Variants in SAFB2 observed in about 807,000 individuals in gnomAD.
SAFB2 encodes the protein scaffold attachment factor B2.
In SAFB2, 32 loss-of-function variants were observed where a neutral mutation model predicts 100.6. That is an observed-to-expected ratio of 0.32 (90% CI 0.24 to 0.43). SAFB2 has a LOEUF of 0.43. Ranked by LOEUF, SAFB2 falls within the 20% of genes least tolerant of loss-of-function variation. The pLI, the probability that SAFB2 is intolerant of heterozygous loss-of-function variation, is 1.00. For missense variants in SAFB2, 1,185 were observed against 1,163.4 expected, an observed-to-expected ratio of 1.02 and a Z score of -0.27; for synonymous variants, 500 against 439.4, an observed-to-expected ratio of 1.14 and a Z score of -1.72.
chr19:5,596,257 C>T (rs755755168), intron 13 of SAFB2, among the ~76,000 whole-genome samples: 7 of 152,120 alleles, frequency 4.6e-5, no homozygotes, highest in Non-Finnish European at 1.0e-4. Context: ...AGCGGGACTC[C>T]GTCTCAAATA....
Position 5,598,782 on chromosome 19 carries a change from G to A in SAFB2, c.1782+11C>T. ...AACAGCTGGCCCTGAGATGGCAGAGGCAATACTCACTCTCTCTTTGGACCT... is the reference window on the plus strand; with the variant it reads ...AACAGCTGGCCCTGAGATGGCAGAGACAATACTCACTCTCTCTTTGGACCT... On this transcript the variant is annotated intron_variant, in intron 13 of 20. Transcript: ENST00000252542. 6.2e-7 allele frequency: 1 copy of A among 1,610,510 alleles called. No individual in the cohort carries two copies. Among genetic ancestry groups the A allele is most frequent in the Non-Finnish European group, 8.5e-7 (1 of 1,176,656 alleles).
At chr19:5,593,088 C>G (rs1046368884) in intron 15 of SAFB2, among the ~76,000 whole-genome samples, 1 of 152,196 alleles carries the variant, frequency 6.6e-6, no homozygotes, top group African/African-American at 2.4e-5. Context: ...CCGAGAGGCA[C>G]ACTTGTGTTC....
At position 5,598,825 on chromosome 19, in the gene SAFB2, T is replaced by G. The variant is rs771827619; in HGVS notation, c.1750A>C (p.Ser584Arg). ...MDKSKGEPVI[S>R]VKTTSRSKER... ...TTGGACCTGCTTGTGGTTTTCACGC[T>G]AATGACGGGCTCTCCTTTCGATTTA... Residue 584 changes from serine to arginine, a missense_variant, in exon 13 of 21, where the codon AGC becomes CGC. Coordinates refer to ENST00000252542, the MANE Select transcript of SAFB2 (RefSeq NM_014649.3). 6.2e-7 allele frequency: 1 copy of G among 1,614,200 alleles called. No individual in the cohort carries two copies. The highest frequency in any genetic ancestry group is 1.1e-5 in the South Asian group (1 of 91,078).
At chr19:5,599,943 T>G (rs1184104700) in intron 12 of SAFB2, among the ~76,000 whole-genome samples, 187 bp downstream of exon 12, 1 of 152,186 alleles carries the variant, frequency 6.6e-6, no homozygotes, top group East Asian at 1.9e-4. Flanking sequence ...CACTTCTGGA[T>G]TCCCGATGTT....
chr19:5,616,643 CTTTTTTTTTTTTTTT>C (rs60033130), intron 2 of SAFB2, among the ~76,000 whole-genome samples, 157 bp from the exon 3 acceptor site: 2 of 72,798 alleles, frequency 2.7e-5, no homozygotes, highest in Admixed American at 2.1e-4. Context: ...AATTTGTTTT[CTTTTTTTTTTTTTTT>C]TTTTTTTTTT....
In SAFB2 at chr19:5,616,624, T is replaced by G. The variant is rs2053037439; in HGVS notation, c.275-138A>C. The G allele has an allele frequency of 1.0e-5, 7 of 699,586 alleles. No individual in the cohort carries two copies. In the South Asian group the frequency reaches 1.2e-4, roughly 12 times the overall value. The allele number at this position is 699,586 out of a possible 1,614,324, so 43.3% of individuals were successfully genotyped here. A position where few individuals can be genotyped will look rare whatever the true frequency, so the allele number is the denominator to read the frequency against. ...GTCTCCCCTCTCCTGTCACACGTAA[T>G]TTTGTCTCAATTTGTTTTCTTTTTT... is the stretch of plus-strand genomic sequence containing the variant. On this transcript the variant is annotated intron_variant, in intron 2 of 20. Coordinates refer to ENST00000252542, the MANE Select transcript of SAFB2 (RefSeq NM_014649.3).
intron 2 of SAFB2, among the ~76,000 whole-genome samples, chr19:5,617,519 T>C (rs1267104451): frequency 2.0e-5 from 3 of 152,158 alleles, no homozygotes; most frequent in Non-Finnish European, 2.9e-5. Flanking sequence ...GTTCAAAACA[T>C]AGATATCTGT....
At chr19:5,590,498 G>A (rs948008182) in intron 17 of SAFB2, 90 bp from the exon 18 acceptor site, 1 of 1,413,380 alleles carries the variant, frequency 7.1e-7, no homozygotes, top group Non-Finnish European at 9.4e-7. Context: ...AGGCCCCAGG[G>A]TGGCAGGTGG....
intron 14 of SAFB2, among the ~76,000 whole-genome samples, chr19:5,594,742 G>A (rs1165904761): frequency 6.6e-6 from 1 of 152,172 alleles, no homozygotes; most frequent in Non-Finnish European, 1.5e-5. Flanking sequence ...CCAGCAGAAG[G>A]CTCAGCCTGT....
chr19:5,615,708 A>G (rs2053012702), intron 4 of SAFB2, among the ~76,000 whole-genome samples: 1 of 152,202 alleles, frequency 6.6e-6, no homozygotes, highest in Admixed American at 6.5e-5. Context: ...TCTCTAAATA[A>G]ATAAACCATC....
chr19:5,607,806 A>G (rs532864642), intron 9 of SAFB2, among the ~76,000 whole-genome samples: 1 of 152,328 alleles, frequency 6.6e-6, no homozygotes, highest in East Asian at 1.9e-4. Context: ...GTGAAATGAC[A>G]AGGTGGAACC....
In SAFB2 at chr19:5,622,736, C is replaced by T. The variant is rs1172889134; in HGVS notation, c.-21G>A. ...GCCATCGTCGCGTTCCCGTCTTCGC[C>T]ACCGACTCAGTCGCACACCGCCGGC... is the stretch of plus-strand genomic sequence containing the variant. On this transcript the variant is annotated 5_prime_UTR_variant, in exon 1 of 21. Transcript: ENST00000252542. 1.9e-6 allele frequency: 3 copies of T among 1,588,336 alleles called. No individual in the cohort carries two copies. Among genetic ancestry groups the T allele is most frequent in the African/African-American group, 1.3e-5 (1 of 74,426 alleles).
chr19:5,599,947 C>T (rs1295509769), intron 12 of SAFB2, among the ~76,000 whole-genome samples, 183 bp downstream of exon 12: 1 of 152,122 alleles, frequency 6.6e-6, no homozygotes, highest in South Asian at 2.1e-4. Context: ...TCTGGATTCC[C>T]GATGTTGTAT....
chr19:5,592,689 G>C, intron 16 of SAFB2, 58 bp downstream of exon 16: 1 of 1,601,958 alleles, frequency 6.2e-7, no homozygotes. Context: ...AACGAGGTCA[G>C]CTGGATGCCC....
rs765259803 is a variant in SAFB2, at chr19:5,622,619, G to A, written c.97C>T (p.Leu33=). 1.4e-5 allele frequency: 22 copies of A among 1,612,618 alleles called. No homozygotes were observed. The highest frequency in any genetic ancestry group is 9.9e-5 in the South Asian group (9 of 90,996). Residue 33 remains leucine (L), a synonymous_variant, in exon 1 of 21, where the codon CTG becomes TTG. Transcript: ENST00000252542. ...AETGTRRLSE[L]RVIDLRAELK... is the part of the protein sequence containing the mutation. ...TCCGCCCGCAGATCGATCACCCGCA[G>A]CTCGCTGAGCCGCCTCGTCCCAGTC...
rs533605559 is a variant in SAFB2 at position 5,590,300 on chromosome 19, G to C, written c.2503C>G (p.Arg835Gly). The C allele has an allele frequency of 2.5e-6, 4 of 1,598,908 alleles. No individual in the cohort carries two copies. In the African/African-American group the frequency reaches 5.4e-5, roughly 21 times the overall value. Residue 835 changes from arginine to glycine, a missense_variant, in exon 18 of 21, where the codon CGG becomes GGG. Physicochemically the swap from Arg to Gly is moderately radical, Grantham distance 125. Around this residue, in one of 3 missense-constraint regions of SAFB2, gnomAD observed 740 missense variants for 687.1 expected, o/e 1.08. Transcript: ENST00000252542. ...AACCTGGGGGGAGGGGGCAGCCCCC[G>C]GCCTTCACTCAGCCTCTTGTCGGAG... ...YGSDKRLSEGRGLPPPPRGGR... is the reference protein window; with the variant it reads ...YGSDKRLSEGGGLPPPPRGGR...
At chr19:5,590,438 CTG>C in intron 17 of SAFB2, 30 bp from the exon 18 acceptor site, 1 of 1,571,968 alleles carries the variant, frequency 6.4e-7, no homozygotes, top group Non-Finnish European at 8.7e-7. Flanking sequence ...CAGGGTGACA[CTG>C]ACCATGTCAC....
At chr19:5,608,502 T>C (rs2052826747) in intron 9 of SAFB2, among the ~76,000 whole-genome samples, 1 of 152,160 alleles carries the variant, frequency 6.6e-6, no homozygotes, top group African/African-American at 2.4e-5. Context: ...ACACAGACTG[T>C]TCAGAGAAAA....
chr19:5,616,396 G>T (rs201350233), intron 3 of SAFB2, 26 bp downstream of exon 3: 19 of 1,613,922 alleles, frequency 1.2e-5, no homozygotes, highest in Non-Finnish European at 1.6e-5. Context: ...GCTGCTGCTT[G>T]TCATCTCTAC....
Sources: gnomAD v4.1 joint callset for allele counts (sites outside exome capture counted in the v4.1 genomes callset) on GRCh38, gnomAD v4.1.1 for gene constraint, gnomAD v4.1.1 regional missense constraint, MANE v1.5 for transcripts, NCBI Gene and HGNC (gene_info 2026-07-23, HGNC 2026-07-21) for gene names.